The following IGHMBP2 variants were observed in gnomAD, a reference collection of about 807,000 sequenced individuals.
The protein encoded by IGHMBP2 is immunoglobulin mu DNA binding protein 2.
In IGHMBP2, 81 loss-of-function variants were observed where a neutral mutation model predicts 96.0. The observed-to-expected ratio is 0.84, with a 90% confidence interval of 0.71 to 1.01. The LOEUF (loss-of-function observed/expected upper bound fraction) is 1.01, where lower values mean the gene tolerates loss of function less well. Among genes scored for constraint, IGHMBP2 ranks in the 50% least tolerant of loss-of-function variants. IGHMBP2 has a pLI of 0.00. For synonymous variants in IGHMBP2, 557 were observed against 548.9 expected, an observed-to-expected ratio of 1.01 and a Z score of -0.21; for missense variants, 1,227 against 1,306.3, an observed-to-expected ratio of 0.94 and a Z score of 0.94.
chr11:68,923,285 C>T lies in IGHMBP2; in HGVS notation c.1060+5402C>T, dbSNP rs144018857. ...TGGTGCGATCTTGGCTCACTGCAAC[C>T]TCTGCCTCCTGGATTCAAGTGATTC... On this transcript the variant is annotated intron_variant, in intron 7 of 14. Transcript: ENST00000255078. Among the ~76,000 whole-genome samples, 151 of 152,244 alleles carry T rather than the reference C, an allele frequency of 9.9e-4. 2 individuals are homozygous for T. The highest frequency in any genetic ancestry group is 7.5e-3 in the East Asian group (39 of 5,188).
intron 6 of IGHMBP2, among the ~76,000 whole-genome samples, chr11:68,916,121 C>T (rs1858658674): frequency 6.6e-6 from 1 of 151,936 alleles, no homozygotes; most frequent in Non-Finnish European, 1.5e-5. Context: ...TTGCAGTGAG[C>T]CATGGTCACT....
chr11:68,906,694 G>A (rs1459938740), intron 2 of IGHMBP2, among the ~76,000 whole-genome samples: 1 of 141,778 alleles, frequency 7.1e-6, no homozygotes, highest in Non-Finnish European at 1.5e-5. Context: ...CCAGTCTGGA[G>A]TGCAGTGGCA....
At chr11:68,908,398 T>G in intron 3 of IGHMBP2, 61 bp downstream of exon 3, 1 of 1,535,984 alleles carries the variant, frequency 6.5e-7, no homozygotes, top group Non-Finnish European at 9.0e-7. Context: ...TAATCCATTC[T>G]TACATGCCTG....
At chr11:68,912,457 G>T (rs1247482482) in intron 5 of IGHMBP2, among the ~76,000 whole-genome samples, 1 of 151,774 alleles carries the variant, frequency 6.6e-6, no homozygotes, top group Non-Finnish European at 1.5e-5. Flanking sequence ...GCTGAAAAAG[G>T]ATCTTTTATC....
intron 13 of IGHMBP2, 189 bp from the exon 14 acceptor site, chr11:68,937,993 A>G (rs1004208027): frequency 1.5e-6 from 1 of 655,582 alleles, no homozygotes; most frequent in Non-Finnish European, 2.8e-6. Flanking sequence ...ACGGGGTCTC[A>G]CTCTGTCACT....
Position 68,939,591 on chromosome 11 carries a change from G to C in IGHMBP2, c.2842G>C (p.Gly948Arg), listed in dbSNP as rs1859673528. Reference sequence around the variant, plus strand: ...TGCCCGGCAGAGAATCAGCCGGGAAGGGGTCCTCTATGCCGGCAGCGGGAC... The same window carrying C: ...TGCCCGGCAGAGAATCAGCCGGGAACGGGTCCTCTATGCCGGCAGCGGGAC... The part of the protein sequence containing the change: ...AHARQRISRE[G>R]VLYAGSGTKN... The change falls in exon 15 of 15, where the codon GGG (glycine) becomes CGG (arginine). Residue 948 changes from glycine to arginine, a missense_variant. This residue lies in a region of IGHMBP2 where 703 missense variants were observed against 770.3 expected (regional missense o/e 0.91). Transcript: ENST00000255078. 6.2e-7 allele frequency: 1 copy of C among 1,613,358 alleles called. No homozygotes were observed. Among genetic ancestry groups the C allele is most frequent in the South Asian group, 1.1e-5 (1 of 91,062 alleles).
chr11:68,935,545 C>T, intron 12 of IGHMBP2, 123 bp downstream of exon 12: 3 of 1,149,358 alleles, frequency 2.6e-6, no homozygotes, highest in Non-Finnish European at 3.9e-6. Context: ...GGTGCACCTT[C>T]TGTCCTTAGT....
intron 7 of IGHMBP2, among the ~76,000 whole-genome samples, chr11:68,922,129 G>A (rs1044393073): frequency 6.6e-6 from 1 of 151,898 alleles, no homozygotes; most frequent in Non-Finnish European, 1.5e-5. Flanking sequence ...TCAGGAGTCC[G>A]AGACCAGCCT....
chr11:68,933,118 T>C, intron 8 of IGHMBP2, 181 bp from the exon 9 acceptor site: 1 of 628,140 alleles, frequency 1.6e-6, no homozygotes, highest in Non-Finnish European at 2.9e-6. Flanking sequence ...GCCTTGGCGA[T>C]TGGATGTAGG....
chr11:68,931,940 T>A (rs1306817578), intron 8 of IGHMBP2, among the ~76,000 whole-genome samples: 3 of 148,246 alleles, frequency 2.0e-5, no homozygotes, highest in African/African-American at 7.5e-5. Context: ...GGGGAAGACG[T>A]TGGGTGGCGT....
chr11:68,935,746 C>T (rs1378796977), intron 12 of IGHMBP2, among the ~76,000 whole-genome samples: 1 of 152,180 alleles, frequency 6.6e-6, no homozygotes, highest in Non-Finnish European at 1.5e-5. Context: ...TGCACGGAGC[C>T]GCGGGGTGTG....
intron 9 of IGHMBP2, 41 bp from the exon 10 acceptor site, chr11:68,933,754 C>G: frequency 6.7e-7 from 1 of 1,503,024 alleles, no homozygotes; most frequent in Non-Finnish European, 9.2e-7. Flanking sequence ...CAGTGCTGCA[C>G]TGTGGCCCCC....
intron 4 of IGHMBP2, among the ~76,000 whole-genome samples, chr11:68,910,086 G>A (rs1018017569): frequency 6.6e-6 from 1 of 152,158 alleles, no homozygotes; most frequent in Admixed American, 6.6e-5. Flanking sequence ...CTCATGCAAG[G>A]GTTACCCCAC....
Position 68,937,012 on chromosome 11 carries a change from G to T in IGHMBP2, c.2532G>T (p.Ala844=), listed in dbSNP as rs2228207. 316 of 1,608,370 alleles carry T rather than the reference G, an allele frequency of 2.0e-4. No individual in the cohort carries two copies. Among genetic ancestry groups the T allele is most frequent in the Non-Finnish European group, 2.3e-4 (274 of 1,179,704 alleles). The change falls in exon 13 of 15, where the codon GCG becomes GCT. Residue 844 remains alanine (A), a synonymous_variant. Transcript: ENST00000255078. ...HLERLQRVRS[A]QGQPASKEQQ... Reference sequence around the variant, plus strand: ...AGAGACTGCAGAGGGTCAGGAGCGCGCAGGGGCAGCCCGCCAGCAAGGAGC... The same window carrying T: ...AGAGACTGCAGAGGGTCAGGAGCGCTCAGGGGCAGCCCGCCAGCAAGGAGC...
chr11:68,919,544 C>G (rs1032659721), intron 7 of IGHMBP2, among the ~76,000 whole-genome samples: 1 of 152,202 alleles, frequency 6.6e-6, no homozygotes, highest in African/African-American at 2.4e-5. Context: ...TGGTCTCTGT[C>G]TTTGTGAGTG....
chr11:68,913,614 C>T (rs1322693306), intron 5 of IGHMBP2, among the ~76,000 whole-genome samples: 1 of 151,692 alleles, frequency 6.6e-6, no homozygotes, highest in East Asian at 2.0e-4. Flanking sequence ...TGGCCAGCGT[C>T]TCACTTTTAA....
In IGHMBP2 at chr11:68,917,841, G is replaced by C. The variant is rs750580259; in HGVS notation, c.1018G>C (p.Glu340Gln). 6.2e-7 allele frequency: 1 copy of C among 1,614,172 alleles called. No homozygotes were observed. Among genetic ancestry groups the C allele is most frequent in the Admixed American group, 1.7e-5 (1 of 60,020 alleles). Reference protein sequence around the residue: ...LKEREEAAMLESLTSANVVLA... With the variant: ...LKEREEAAMLQSLTSANVVLA... ...GGAGAGGGAAGAAGCAGCTATGCTC[G>C]AGAGCCTCACTTCGGCAAACGTGGT... The change falls in exon 7 of 15, where the codon GAG becomes CAG. Residue 340 changes from glutamate (E) to glutamine (Q), a missense_variant. Physicochemically the swap from Glu to Gln is conservative, Grantham distance 29. Coordinates refer to ENST00000255078, the MANE Select transcript of IGHMBP2 (RefSeq NM_002180.3).
Position 68,938,737 on chromosome 11 carries a change from G to A in IGHMBP2, c.2784+383G>A, listed in dbSNP as rs144574472. Among the ~76,000 whole-genome samples the A allele has an allele frequency of 4.2e-3, 633 of 152,080 alleles. 3 individuals carry two copies. Among genetic ancestry groups the A allele is most frequent in the African/African-American group, 0.015 (606 of 41,482 alleles). On this transcript the variant is annotated intron_variant, in intron 14 of 14. Transcript: ENST00000255078. ...TGCTGTGTCATTCATTCCTTGAGCC[G>A]GGGTTGATGAGAACCCCCTGGGCCA...
Position 68,929,323 on chromosome 11 carries a change from C to T in IGHMBP2, c.1201C>T (p.His401Tyr), listed in dbSNP as rs749136189. ...KARKCILAGD[H>Y]KQLPPTTVSH... ...CAGAAAGTGCATCCTGGCGGGCGAT[C>T]ACAAGCAGCTGCCCCCCACCACAGT... Residue 401 changes from histidine (H) to tyrosine (Y), a missense_variant, in exon 8 of 15, where the codon CAC (histidine) becomes TAC (tyrosine). Coordinates refer to ENST00000255078, the MANE Select transcript of IGHMBP2 (RefSeq NM_002180.3). 3 of 1,613,614 alleles carry T rather than the reference C, an allele frequency of 1.9e-6. No individual in the cohort carries two copies. In the East Asian group the frequency reaches 6.7e-5, roughly 36 times the overall value.
Sources: allele counts gnomAD v4.1 joint callset (sites outside exome capture counted in the v4.1 genomes callset), GRCh38; gene constraint gnomAD v4.1.1; regional missense constraint gnomAD v4.1.1; transcripts MANE v1.5; gene names NCBI Gene and HGNC (gene_info 2026-07-23, HGNC 2026-07-21).